The following SATB2 variants were observed in gnomAD, a reference collection of about 807,000 sequenced individuals.
The protein encoded by SATB2 is SATB homeobox 2.
In SATB2, 1 loss-of-function variant was observed where a neutral mutation model predicts 73.4. The ratio of observed to expected loss-of-function variants is 0.01; its 90% CI spans 0.00 to 0.06. The LOEUF (loss-of-function observed/expected upper bound fraction) is 0.06, where lower values mean the gene tolerates loss of function less well. SATB2 is among the 10% of genes least tolerant of loss of function. The pLI is 1.00. For synonymous variants in SATB2, 397 were observed against 367.0 expected, an observed-to-expected ratio of 1.08 and a Z score of -0.93; for missense variants, 459 against 945.8, an observed-to-expected ratio of 0.49 and a Z score of 6.75.
chr2:199,291,587 C>T (rs140492399), intron 10 of SATB2, among the ~76,000 whole-genome samples: 153 of 152,172 alleles, frequency 1.0e-3, no homozygotes, highest in Middle Eastern at 3.4e-3. Context: ...TGCTGAGCAA[C>T]GAGTTCTATC....
At chr2:199,318,853 T>C (rs149954448) in intron 9 of SATB2, among the ~76,000 whole-genome samples, 19 of 152,192 alleles carry the variant, frequency 1.2e-4, no homozygotes, top group African/African-American at 4.3e-4. Flanking sequence ...TTAAATTATT[T>C]AGCCTGTCAA....
chr2:199,467,799 G>C (rs528349508), upstream of SATB2, among the ~76,000 whole-genome samples: 1 of 152,102 alleles, frequency 6.6e-6, no homozygotes, highest in African/African-American at 2.4e-5. Context: ...ACAGGACCCC[G>C]GGGCCAGGGC....
chr2:199,272,669 G>A lies in SATB2; in HGVS notation c.1744C>T (p.Leu582Phe). The A allele has an allele frequency of 6.2e-7, 1 of 1,613,570 alleles. No individual in the cohort carries two copies. ...GCTGGCTGAGACTGCTGTCTATGAA[G>A]TACCTGATAATTAAGAGAGAAAAAA... ...VQLPPEPVQV[L>F]HRQQSQPAKE... The change falls in exon 11 of 11, where the codon CTT (leucine) becomes TTT (phenylalanine). Residue 582 changes from leucine to phenylalanine, a missense_variant. Around this residue, in one of 13 missense-constraint regions of SATB2, gnomAD observed 74 missense variants for 136.1 expected, o/e 0.54. Transcript: ENST00000417098. The surrounding 1 kb of genome is among the most constrained non-coding windows in gnomAD (Gnocchi z 6.7).
intron 3 of SATB2, among the ~76,000 whole-genome samples, chr2:199,398,417 C>G (rs936944629): frequency 6.6e-6 from 1 of 152,146 alleles, no homozygotes; most frequent in African/African-American, 2.4e-5. Flanking sequence ...CAGATGCACA[C>G]GTTAATAAAC....
At position 199,349,493 on chromosome 2, in the gene SATB2, C is replaced by T. The variant is rs540342102; in HGVS notation, c.701-320G>A. ...TCCTCTTAGATCCCCCAAGCTCTATCATCTCCCCAATCAACCTTTGTTATA... is the reference window on the plus strand; with the variant it reads ...TCCTCTTAGATCCCCCAAGCTCTATTATCTCCCCAATCAACCTTTGTTATA... On this transcript the variant is annotated intron_variant, in intron 6 of 10. Coordinates refer to ENST00000417098, the MANE Select transcript of SATB2 (RefSeq NM_001172509.2). Among the ~76,000 whole-genome samples the T allele has an allele frequency of 4.9e-4, 75 of 152,304 alleles. 1 individual carries two copies. Among genetic ancestry groups the T allele is most frequent in the African/African-American group, 1.7e-3 (72 of 41,594 alleles).
At chr2:199,362,045 A>T (rs1022526059) in intron 6 of SATB2, among the ~76,000 whole-genome samples, 5 of 152,024 alleles carry the variant, frequency 3.3e-5, no homozygotes, top group Admixed American at 3.3e-4. Context: ...CCAGGTCCCA[A>T]CCATTTCTAT....
intron 2 of SATB2, among the ~76,000 whole-genome samples, chr2:199,441,230 G>A (rs1203700963): frequency 6.6e-6 from 1 of 151,934 alleles, no homozygotes; most frequent in Non-Finnish European, 1.5e-5. Context: ...TGCAACTCAG[G>A]ATTAGACCTC....
chr2:199,289,512 T>C (rs758550711), intron 10 of SATB2, among the ~76,000 whole-genome samples: 3 of 152,276 alleles, frequency 2.0e-5, no homozygotes, highest in Admixed American at 6.5e-5. Context: ...ACAAGTCCAA[T>C]TGTGTCTCCA....
chr2:199,359,816 C>A (rs1689086216), intron 6 of SATB2, among the ~76,000 whole-genome samples: 1 of 152,058 alleles, frequency 6.6e-6, no homozygotes, highest in Admixed American at 6.6e-5. Context: ...AAAGGTGATA[C>A]CCTGAAAGGC....
chr2:199,324,892 T>C (rs540667842), intron 8 of SATB2, among the ~76,000 whole-genome samples: 1 of 152,302 alleles, frequency 6.6e-6, no homozygotes, highest in Non-Finnish European at 1.5e-5. Context: ...TGGCCTAACC[T>C]GGGTTTTTTC....
At chr2:199,355,120 T>C (rs1688931678) in intron 6 of SATB2, among the ~76,000 whole-genome samples, 1 of 151,800 alleles carries the variant, frequency 6.6e-6, no homozygotes. Flanking sequence ...TATATATTTA[T>C]ATATTTTAGG....
At chr2:199,356,879 G>T (rs953056739) in intron 6 of SATB2, among the ~76,000 whole-genome samples, 1 of 152,128 alleles carries the variant, frequency 6.6e-6, no homozygotes, top group Admixed American at 6.6e-5. Context: ...CTGAAGCACT[G>T]AGCTAAATCC....
chr2:199,372,766 C>G (rs1689488054), intron 5 of SATB2, among the ~76,000 whole-genome samples: 1 of 152,088 alleles, frequency 6.6e-6, no homozygotes, highest in African/African-American at 2.4e-5. Context: ...AAGGTAACAA[C>G]AGCAAAAAAA....
At chr2:199,273,748 A>G (rs1276837464) in intron 10 of SATB2, among the ~76,000 whole-genome samples, 1 of 152,034 alleles carries the variant, frequency 6.6e-6, no homozygotes, top group African/African-American at 2.4e-5. Context: ...CCTAATGTTA[A>G]AGTTTTCTAG....
chr2:199,409,994 CTT>C (rs749493655), intron 3 of SATB2, among the ~76,000 whole-genome samples: 2 of 140,280 alleles, frequency 1.4e-5, no homozygotes, highest in Non-Finnish European at 3.3e-5. Context: ...CCATCACTGA[CTT>C]TTTTTCTTTC....
At chr2:199,279,450 T>C (rs1466762666) in intron 10 of SATB2, among the ~76,000 whole-genome samples, 1 of 152,198 alleles carries the variant, frequency 6.6e-6, no homozygotes, top group Non-Finnish European at 1.5e-5. Context: ...AATGATTAAG[T>C]TTAGGAAAGT....
chr2:199,277,032 T>C (rs546763263), intron 10 of SATB2, among the ~76,000 whole-genome samples: 1 of 152,236 alleles, frequency 6.6e-6, no homozygotes, highest in East Asian at 1.9e-4. Context: ...AGACTTACTG[T>C]CGAGTGAAAG....
At chr2:199,381,514 T>C (rs1464191820) in intron 4 of SATB2, among the ~76,000 whole-genome samples, 180 bp downstream of exon 4, 1 of 152,204 alleles carries the variant, frequency 6.6e-6, no homozygotes, top group Non-Finnish European at 1.5e-5. Context: ...AATGTGACTA[T>C]AAAGACACCT....
intron 3 of SATB2, among the ~76,000 whole-genome samples, chr2:199,414,361 G>A (rs1690911989): frequency 6.6e-6 from 1 of 152,100 alleles, no homozygotes; most frequent in Admixed American, 6.6e-5. Context: ...CGTAGGCAAG[G>A]GCACCTTCAG....
Sources: gnomAD v4.1 joint callset for allele counts (sites outside exome capture counted in the v4.1 genomes callset) on GRCh38, gnomAD v4.1.1 for gene constraint, gnomAD v4.1.1 regional missense constraint, Gnocchi (gnomAD v3.1) non-coding constraint, MANE v1.5 for transcripts, NCBI Gene and HGNC (gene_info 2026-07-23, HGNC 2026-07-21) for gene names.